The following PIK3R6 variants were observed in gnomAD, a reference collection of about 807,000 sequenced individuals.
The protein encoded by PIK3R6 is phosphoinositide-3-kinase regulatory subunit 6, also known as phosphoinositide 3-kinase regulatory subunit 6.
In PIK3R6, 91 loss-of-function variants were observed where a neutral mutation model predicts 84.9. That is an observed-to-expected ratio of 1.07 (90% CI 0.90 to 1.28). The LOEUF (loss-of-function observed/expected upper bound fraction) is 1.28, where lower values mean the gene tolerates loss of function less well. Ranked by LOEUF, PIK3R6 falls within the 50% of genes most tolerant of loss-of-function variation. The pLI is 0.00. For synonymous variants in PIK3R6, 416 were observed against 411.4 expected (o/e 1.01, Z -0.13); for missense variants, 996 against 985.1 (o/e 1.01, Z -0.15).
At chr17:8,832,229 T>C (rs1045636269) in intron 9 of PIK3R6, among the ~76,000 whole-genome samples, 1 of 152,214 alleles carries the variant, frequency 6.6e-6, no homozygotes, top group Non-Finnish European at 1.5e-5. Flanking sequence ...TAATAGTTTC[T>C]GCTTATAAGT....
intron 1 of PIK3R6, among the ~76,000 whole-genome samples, chr17:8,864,827 G>A (rs969978882): frequency 5.3e-5 from 8 of 152,056 alleles, no homozygotes; most frequent in African/African-American, 7.2e-5. Flanking sequence ...GTGAGCCACC[G>A]CACCCAGCCC....
intron 17 of PIK3R6, among the ~76,000 whole-genome samples, chr17:8,821,574 A>C (rs1341334360): frequency 1.3e-5 from 2 of 152,162 alleles, no homozygotes; most frequent in Non-Finnish European, 2.9e-5. Context: ...TGCAGTCCCA[A>C]TTCCGTGGCA....
At position 8,858,051 on chromosome 17, in the gene PIK3R6, G is replaced by T. The variant is rs75634011; in HGVS notation, c.-91-8166C>A. On this transcript the variant is annotated intron_variant, in intron 1 of 19. Transcript: ENST00000619866. ...AGCGTTTCTATATATTTGTGCAGGT[G>T]CTGCTTCCTTGCTCCTCCCACAGGA... Among the ~76,000 whole-genome samples the T allele has an allele frequency of 1.2e-3, 184 of 152,292 alleles. No homozygotes were observed. In the East Asian group the frequency reaches 0.026, roughly 21 times the overall value.
At chr17:8,837,710 C>T (rs1027823144) in intron 5 of PIK3R6, 93 bp downstream of exon 5, 21 of 1,119,962 alleles carry the variant, frequency 1.9e-5, no homozygotes, top group Admixed American at 1.4e-4. Context: ...CTAGGCTCAT[C>T]CTGGCGGAGA....
rs377538051 is a variant in PIK3R6, at chr17:8,835,469, G to A, written c.462-13C>T. On this transcript the variant is annotated splice_polypyrimidine_tract_variant and intron_variant, in intron 7 of 19. Transcript: ENST00000619866. ...GAAGAGGAACACTCTGAGGGCAGAA[G>A]CAGAGGGGAGAGGTGGGATTGATAG... is the stretch of plus-strand genomic sequence containing the variant. 5.9e-5 allele frequency: 90 copies of A among 1,536,854 alleles called. No homozygotes were observed. The highest frequency in any genetic ancestry group is 6.9e-5 in the Non-Finnish European group (78 of 1,129,008).
At chr17:8,829,585 GACAC>G (rs547199491) in intron 10 of PIK3R6, 117 bp downstream of exon 10, 6 of 953,992 alleles carry the variant, frequency 6.3e-6, no homozygotes, top group African/African-American at 2.3e-5. Flanking sequence ...CAGACACACT[GACAC>G]ACACTCATGC....
intron 18 of PIK3R6, among the ~76,000 whole-genome samples, chr17:8,806,397 C>T (rs2087208171): frequency 6.6e-6 from 1 of 152,170 alleles, no homozygotes; most frequent in South Asian, 2.1e-4. Flanking sequence ...TGGACCTAGC[C>T]CCACCTTCTA....
At chr17:8,863,669 G>T (rs1220098604) in intron 1 of PIK3R6, among the ~76,000 whole-genome samples, 6 of 152,002 alleles carry the variant, frequency 3.9e-5, no homozygotes, top group Non-Finnish European at 8.8e-5. Flanking sequence ...CGAGTAGCTG[G>T]GACTACAGGT....
chr17:8,855,892 C>T (rs1460219552), intron 1 of PIK3R6, among the ~76,000 whole-genome samples: 1 of 152,216 alleles, frequency 6.6e-6, no homozygotes, highest in African/African-American at 2.4e-5. Context: ...ATATATATAG[C>T]AGCTCTATTC....
At chr17:8,804,632 G>C (rs1364845090) in intron 18 of PIK3R6, among the ~76,000 whole-genome samples, 1 of 152,162 alleles carries the variant, frequency 6.6e-6, no homozygotes, top group East Asian at 1.9e-4. Flanking sequence ...AAGACCCCAA[G>C]CTCAGACCAA....
In PIK3R6 at chr17:8,844,147, A is replaced by G. The variant is rs1038216207; in HGVS notation, c.14-4450T>C. ...CTGAGCCCTGTGCCTCTGATGCCAC[A>G]GCAAAGGTCTCCTGAGCCATCTTCA... On this transcript the variant is annotated intron_variant, in intron 2 of 19. Coordinates refer to ENST00000619866, the MANE Select transcript of PIK3R6 (RefSeq NM_001010855.4). The surrounding 1 kb of genome is among the most constrained non-coding windows in gnomAD (Gnocchi z 4.5). 6.6e-6 allele frequency among the ~76,000 whole-genome samples: 1 copy of G among 152,232 alleles called. No homozygotes were observed. Among genetic ancestry groups the G allele is most frequent in the Non-Finnish European group, 1.5e-5 (1 of 68,040 alleles).
intron 13 of PIK3R6, among the ~76,000 whole-genome samples, chr17:8,826,554 A>T (rs2087923857): frequency 6.6e-6 from 1 of 152,196 alleles, no homozygotes; most frequent in African/African-American, 2.4e-5. Flanking sequence ...ACATGTTCTC[A>T]CTCGTAAGTG....
At chr17:8,824,939 T>G (rs1371946698) in intron 13 of PIK3R6, among the ~76,000 whole-genome samples, 3 of 152,210 alleles carry the variant, frequency 2.0e-5, no homozygotes, top group Non-Finnish European at 2.9e-5. Flanking sequence ...AGTGACAAGT[T>G]AAAAAACAGA....
At chr17:8,829,463 TA>T (rs1249953352) in intron 10 of PIK3R6, among the ~76,000 whole-genome samples, 1 of 133,660 alleles carries the variant, frequency 7.5e-6, no homozygotes, top group Non-Finnish European at 1.6e-5. Context: ...TCCACACACA[TA>T]CACTGACACA....
intron 16 of PIK3R6, 98 bp downstream of exon 16, chr17:8,822,489 C>T (rs2087770860): frequency 3.6e-6 from 5 of 1,377,516 alleles, no homozygotes; most frequent in East Asian, 2.3e-5. Flanking sequence ...GGGGCAGAAG[C>T]TTCCTTTGGC....
chr17:8,816,105 AG>A (rs1466388353), intron 18 of PIK3R6, among the ~76,000 whole-genome samples: 1 of 152,212 alleles, frequency 6.6e-6, no homozygotes, highest in African/African-American at 2.4e-5. Context: ...TACTGTGGGG[AG>A]GGGGTCAGTG....
In PIK3R6 at chr17:8,842,905, G is replaced by A. The variant is rs897381671; in HGVS notation, c.14-3208C>T. Reference sequence around the variant, plus strand: ...TAACAAATTTAAAAATCAGCAGATTGCAGTCCAAGAGTTAAAATATTTTTA... The same window carrying A: ...TAACAAATTTAAAAATCAGCAGATTACAGTCCAAGAGTTAAAATATTTTTA... On this transcript the variant is annotated intron_variant, in intron 2 of 19. Transcript: ENST00000619866. This position sits in a 1 kb window ranked among gnomAD's most constrained non-coding sequence, Gnocchi z 4.5. Among the ~76,000 whole-genome samples the A allele has an allele frequency of 6.6e-6, 1 of 152,198 alleles. No individual in the cohort carries two copies. The highest frequency in any genetic ancestry group is 2.4e-5 in the African/African-American group (1 of 41,432).
chr17:8,856,562 A>G (rs1289925564), intron 1 of PIK3R6, among the ~76,000 whole-genome samples: 2 of 152,226 alleles, frequency 1.3e-5, no homozygotes, highest in African/African-American at 2.4e-5. Flanking sequence ...AGGTCTTACC[A>G]CTGCACTCCA....
At position 8,803,865 on chromosome 17, in the gene PIK3R6, G is replaced by A; in HGVS notation, c.2108+176C>T. On this transcript the variant is annotated intron_variant, in intron 19 of 19. Coordinates refer to ENST00000619866, the MANE Select transcript of PIK3R6 (RefSeq NM_001010855.4). The surrounding 1 kb of genome is among the most constrained non-coding windows in gnomAD (Gnocchi z 5.0). ...GCCATTCATTTGCCTCGACTTCCTG[G>A]ATCCAAAGCATAGGGCAGTGGCCTC... The A allele has an allele frequency of 1.6e-6, 1 of 617,694 alleles. No individual in the cohort carries two copies. Among genetic ancestry groups the A allele is most frequent in the Non-Finnish European group, 2.9e-6 (1 of 347,786 alleles). 38.3% of individuals were successfully genotyped at this position (617,694 alleles called of 1,614,324 possible). A position where few individuals can be genotyped will look rare whatever the true frequency, so the allele number is the denominator to read the frequency against.
Sources: allele counts gnomAD v4.1 joint callset (sites outside exome capture counted in the v4.1 genomes callset), GRCh38; gene constraint gnomAD v4.1.1; non-coding constraint Gnocchi (gnomAD v3.1); transcripts MANE v1.5; gene names NCBI Gene and HGNC (gene_info 2026-07-23, HGNC 2026-07-21).